AGO3: variants seen among roughly 807,000 people sequenced by gnomAD.
AGO3 encodes the protein argonaute RISC catalytic component 3, also known as protein argonaute-3.
Under a neutral mutation model 105.5 loss-of-function variants are expected in AGO3, and 16 were observed. The ratio of observed to expected loss-of-function variants is 0.15; its 90% confidence interval spans 0.10 to 0.23. The LOEUF is 0.23. Ranked by LOEUF, AGO3 falls within the 10% of genes least tolerant of loss-of-function variation. The pLI is 1.00. For missense variants in AGO3, 534 were observed against 1,088.0 expected (o/e 0.49, Z 7.16); for synonymous variants, 340 against 367.3 (o/e 0.93, Z 0.85).
intron 3 of AGO3, among the ~76,000 whole-genome samples, chr1:35,971,380 A>C (rs192351708): frequency 1.1e-4 from 17 of 151,270 alleles, no homozygotes; most frequent in African/African-American, 4.1e-4. Context: ...GCTGGTCTTG[A>C]ACTCCTGACC....
At chr1:36,051,794 C>T (rs1642726481) in intron 17 of AGO3, among the ~76,000 whole-genome samples, 1 of 152,060 alleles carries the variant, frequency 6.6e-6, no homozygotes, top group Non-Finnish European at 1.5e-5. Flanking sequence ...GCAAATGTCT[C>T]AAGAGAGTAA....
At chr1:35,930,950 GCCCGGCTCCCGGACACCTC>G (rs1454701531), upstream of AGO3, 6 of 306,256 alleles carry the variant, frequency 2.0e-5, no homozygotes, top group Non-Finnish European at 1.2e-5. Context: ...GCCGCATGTG[GCCCGGCTCCCGGACACCTC>G]CCCGGCGTCC....
intron 5 of AGO3, 100 bp downstream of exon 5, chr1:35,973,611 T>A: frequency 8.1e-7 from 1 of 1,229,530 alleles, no homozygotes; most frequent in Non-Finnish European, 1.1e-6. Flanking sequence ...TGTCTCGAAG[T>A]AATATTTGGA....
chr1:35,952,143 TCTTTC>T (rs1307329163), intron 2 of AGO3, among the ~76,000 whole-genome samples: 4,786 of 95,740 alleles, frequency 0.05, 714 homozygotes, highest in African/African-American at 0.24. Context: ...TTTCTTTCTT[TCTTTC>T]TTTTTTTTTT....
Position 36,027,211 on chromosome 1 carries a change from G to A in AGO3, c.1504G>A (p.Val502Ile), listed in dbSNP as rs767434416. Reference sequence around the variant, plus strand: ...CAAATATGCACAGGGGGCAGACAGCGTAGAGCCCATGTTCCGGCATCTCAA... The same window carrying A: ...CAAATATGCACAGGGGGCAGACAGCATAGAGCCCATGTTCCGGCATCTCAA... ...FCKYAQGADS[V>I]EPMFRHLKNT... The change falls in exon 12 of 19, where the codon GTA becomes ATA. Residue 502 changes from valine to isoleucine, a missense_variant. Physicochemically the swap from Val to Ile is conservative, Grantham distance 29. Coordinates refer to ENST00000373191, the MANE Select transcript of AGO3 (RefSeq NM_024852.4). The surrounding 1 kb of genome is among the most constrained non-coding windows in gnomAD (Gnocchi z 4.0). 2.1e-5 allele frequency: 34 copies of A among 1,614,076 alleles called. 1 individual carries two copies. Among genetic ancestry groups the A allele is most frequent in the Admixed American group, 1.8e-4 (11 of 59,990 alleles).
upstream of AGO3, chr1:35,930,982 C>T: frequency 3.0e-6 from 1 of 336,188 alleles, no homozygotes; most frequent in East Asian, 4.6e-5. Flanking sequence ...CGGCGTCCTC[C>T]GCGCCGGCCG....
chr1:35,948,756 AC>A (rs1300276923), intron 2 of AGO3, among the ~76,000 whole-genome samples: 1 of 152,042 alleles, frequency 6.6e-6, no homozygotes, highest in Non-Finnish European at 1.5e-5. Context: ...GTTTTAACTT[AC>A]GATTCTTTTG....
intron 13 of AGO3, 31 bp downstream of exon 13, chr1:36,034,364 T>G (rs761033371): frequency 6.6e-7 from 1 of 1,505,902 alleles, no homozygotes; most frequent in Non-Finnish European, 9.0e-7. Flanking sequence ...ATGAAAATAT[T>G]ATTTTTATAT....
chr1:36,040,666 T>G (rs1405249224), intron 16 of AGO3, among the ~76,000 whole-genome samples: 1 of 152,222 alleles, frequency 6.6e-6, no homozygotes, highest in Non-Finnish European at 1.5e-5. Context: ...TTTTTTGTTG[T>G]GAAGAAACTC....
Position 36,008,632 on chromosome 1 carries a change from A to G in AGO3, c.794-58A>G. ...TTTATGGTAATGAACAGGCTTTATA[A>G]GTATAAATATTTTACATGTGACAGT... On this transcript the variant is annotated intron_variant, in intron 6 of 18. Transcript: ENST00000373191. This position sits in a 1 kb window ranked among gnomAD's most constrained non-coding sequence, Gnocchi z 5.1. 6.6e-7 allele frequency: 1 copy of G among 1,523,636 alleles called. No individual in the cohort carries two copies. The highest frequency in any genetic ancestry group is 9.1e-7 in the Non-Finnish European group (1 of 1,104,918). 94.4% of individuals were successfully genotyped at this position (1,523,636 alleles called of 1,614,324 possible).
At chr1:35,979,952 A>G (rs1170131714) in intron 5 of AGO3, among the ~76,000 whole-genome samples, 2 of 152,066 alleles carry the variant, frequency 1.3e-5, no homozygotes, top group Non-Finnish European at 2.9e-5. Context: ...TCAAGTCACA[A>G]CCATTGGTCA....
At chr1:36,028,623 A>G (rs914965342) in intron 12 of AGO3, among the ~76,000 whole-genome samples, 3 of 151,500 alleles carry the variant, frequency 2.0e-5, no homozygotes, top group Non-Finnish European at 2.9e-5. Flanking sequence ...TATGTGCCAC[A>G]TTTTCTTAAT....
intron 5 of AGO3, among the ~76,000 whole-genome samples, chr1:35,996,846 A>G (rs969270948): frequency 9.2e-5 from 14 of 152,312 alleles, no homozygotes; most frequent in Admixed American, 8.5e-4. Flanking sequence ...CCGTTCAGGA[A>G]ATTCAAAAAG....
In AGO3 at chr1:36,046,623, TAAAAAAAAAAAAAAA is replaced by T. The variant is rs3073806; in HGVS notation, c.2274+3093_2274+3107del. On this transcript the variant is annotated intron_variant, in intron 17 of 18. Coordinates refer to ENST00000373191, the MANE Select transcript of AGO3 (RefSeq NM_024852.4). ...AACAGAGTGAGACTCAGTCTCTATT[TAAAAAAAAAAAAAAA>T]AAAAAAAAAAAAAAAAAGAGGTCAT... Among the ~76,000 whole-genome samples, 54 of 34,472 alleles carry T rather than the reference TAAAAAAAAAAAAAAA, an allele frequency of 1.6e-3. No individual in the cohort carries two copies. In the South Asian group the frequency reaches 0.042, roughly 27 times the overall value. The allele number at this position is 34,472 out of a possible 152,430, so 22.6% of individuals were successfully genotyped here.
intron 8 of AGO3, 188 bp from the exon 9 acceptor site, chr1:36,009,287 G>A (rs1049752432): frequency 1.6e-5 from 13 of 816,598 alleles, no homozygotes; most frequent in Admixed American, 3.1e-5. Flanking sequence ...TTCATCTGGT[G>A]TACATTTTAC....
chr1:35,942,653 T>G (rs1467582157), intron 1 of AGO3, among the ~76,000 whole-genome samples: 1 of 152,190 alleles, frequency 6.6e-6, no homozygotes, highest in East Asian at 1.9e-4. Flanking sequence ...GAATTTTGAT[T>G]AACAAAGCTG....
At chr1:35,968,264 T>C (rs1646808865) in intron 3 of AGO3, among the ~76,000 whole-genome samples, 3 of 152,210 alleles carry the variant, frequency 2.0e-5, no homozygotes, top group African/African-American at 7.2e-5. Flanking sequence ...ATTCTTTTTG[T>C]AATTGTGATA....
At chr1:35,959,681 C>G (rs187665227) in intron 2 of AGO3, among the ~76,000 whole-genome samples, 61 of 152,124 alleles carry the variant, frequency 4.0e-4, no homozygotes, top group African/African-American at 1.4e-3. Flanking sequence ...ACTCCTAACC[C>G]TATTGTTGTA....
intron 2 of AGO3, among the ~76,000 whole-genome samples, chr1:35,952,216 G>A (rs573701642): frequency 7.0e-6 from 1 of 142,950 alleles, no homozygotes; most frequent in Non-Finnish European, 1.5e-5. Flanking sequence ...GCGCGATCGC[G>A]GCTCACTGCA....
Sources: allele counts gnomAD v4.1 joint callset (sites outside exome capture counted in the v4.1 genomes callset), GRCh38; gene constraint gnomAD v4.1.1; non-coding constraint Gnocchi (gnomAD v3.1); transcripts MANE v1.5; gene names NCBI Gene and HGNC (gene_info 2026-07-23, HGNC 2026-07-21).